PARP1: variants seen among roughly 807,000 people sequenced by gnomAD.
PARP1 encodes the protein poly [ADP-ribose] polymerase 1.
In PARP1, 44 loss-of-function variants were observed where a neutral mutation model predicts 118.7. The observed-to-expected ratio is 0.37, with a 90% CI of 0.29 to 0.48. PARP1 has a LOEUF of 0.48. PARP1 is among the 20% of genes least tolerant of loss of function. The probability of loss-of-function intolerance (pLI) is 0.99; values close to 1 mark genes in which losing one functional copy is unlikely to be tolerated. For missense variants in PARP1, 1,100 were observed against 1,272.4 expected (o/e 0.86, Z 2.06); for synonymous variants, 492 against 483.2 (o/e 1.02, Z -0.24).
At chr1:226,389,428 C>G (rs896350182) in intron 4 of PARP1, among the ~76,000 whole-genome samples, 40 of 152,212 alleles carry the variant, frequency 2.6e-4, no homozygotes, top group African/African-American at 9.4e-4. Context: ...GAGCACAAAC[C>G]CTTGCACTTT....
chr1:226,370,556 T>C (rs1434948712), intron 14 of PARP1, 39 bp from the exon 15 acceptor site: 1 of 1,520,892 alleles, frequency 6.6e-7, no homozygotes, highest in Non-Finnish European at 9.1e-7. Context: ...AGCTGGGCAC[T>C]GTGCAGTGTG....
chr1:226,398,317 A>G (rs1664964502), intron 2 of PARP1, among the ~76,000 whole-genome samples: 1 of 152,186 alleles, frequency 6.6e-6, no homozygotes, highest in Non-Finnish European at 1.5e-5. Context: ...TGTGATTTTA[A>G]AAAGAGCAAA....
chr1:226,365,899 G>T, intron 18 of PARP1, 55 bp downstream of exon 18: 1 of 1,164,250 alleles, frequency 8.6e-7, no homozygotes, highest in Non-Finnish European at 1.3e-6. Flanking sequence ...TGGAGGAGTG[G>T]GCAGGGAAGA....
chr1:226,386,325 C>A lies in PARP1; in HGVS notation c.834+1G>T. 1.3e-6 allele frequency: 2 copies of A among 1,590,056 alleles called. No homozygotes were observed. Among genetic ancestry groups the A allele is most frequent in the Non-Finnish European group, 1.7e-6 (2 of 1,158,146 alleles). On this transcript the variant is annotated splice_donor_variant, in intron 6 of 22. Coordinates refer to ENST00000366794, the MANE Select transcript of PARP1 (RefSeq NM_001618.4). LOFTEE classifies it high-confidence loss of function. ...TCCCACTTAACACAAAGGCAGCTCACCGCCGACTCCCCAGAAGGCACTTGC... is the reference window on the plus strand; with the variant it reads ...TCCCACTTAACACAAAGGCAGCTCAACGCCGACTCCCCAGAAGGCACTTGC...
At chr1:226,397,994 A>G (rs559148572) in intron 2 of PARP1, among the ~76,000 whole-genome samples, 8 of 152,258 alleles carry the variant, frequency 5.3e-5, no homozygotes, top group African/African-American at 1.9e-4. Flanking sequence ...AAAGGAATCT[A>G]GACACAGACC....
At position 226,380,076 on chromosome 1, in the gene PARP1, G is replaced by A. The variant is rs564778763; in HGVS notation, c.1389C>T (p.Ser463=). The stretch of plus-strand genomic sequence containing the variant: ...ACTCCTGAAGGCTCTTGGTGGAGGC[G>A]GAGACGTCCTGGAGGAAGTCCTCAG... The part of the protein sequence containing the change: ...VVSEDFLQDV[S]ASTKSLQELF... Residue 463 remains serine, a synonymous_variant, in exon 10 of 23, where the codon TCC becomes TCT. Coordinates refer to ENST00000366794, the MANE Select transcript of PARP1 (RefSeq NM_001618.4). The A allele has an allele frequency of 2.1e-5, 34 of 1,614,074 alleles. No homozygotes were observed. The highest frequency in any genetic ancestry group is 1.6e-4 in the Middle Eastern group (1 of 6,084).
At chr1:226,388,364 T>A (rs1664753556) in intron 5 of PARP1, among the ~76,000 whole-genome samples, 1 of 152,228 alleles carries the variant, frequency 6.6e-6, no homozygotes, top group Non-Finnish European at 1.5e-5. Flanking sequence ...AAAGCATGAA[T>A]CTCTGTCATC....
At chr1:226,370,292 AAAAT>A (rs1664353916) in intron 15 of PARP1, 138 bp downstream of exon 15, 3 of 733,326 alleles carry the variant, frequency 4.1e-6, no homozygotes, top group Non-Finnish European at 7.5e-6. Flanking sequence ...TGAACTGAAA[AAAAT>A]CGAAACCCTC....
chr1:226,397,405 A>G (rs577573352), intron 2 of PARP1, among the ~76,000 whole-genome samples: 2 of 152,218 alleles, frequency 1.3e-5, no homozygotes, highest in South Asian at 4.2e-4. Context: ...AGCCGTTACT[A>G]ACCTGTTTGC....
intron 12 of PARP1, among the ~76,000 whole-genome samples, chr1:226,378,775 C>T (rs1664542277): frequency 6.6e-6 from 1 of 152,116 alleles, no homozygotes; most frequent in African/African-American, 2.4e-5. Flanking sequence ...GTCAAGGCTC[C>T]GCTGAGCTGT....
intron 2 of PARP1, among the ~76,000 whole-genome samples, chr1:226,401,195 T>A (rs564680537): frequency 2.0e-5 from 3 of 152,342 alleles, no homozygotes; most frequent in Admixed American, 1.3e-4. Flanking sequence ...GTGAAACTGA[T>A]GCAGGGCAGG....
At chr1:226,366,891 T>C (rs1401859228) in intron 17 of PARP1, 1 of 174,038 alleles carries the variant, frequency 5.7e-6, no homozygotes, top group South Asian at 1.3e-4. Flanking sequence ...CTGAGGACAA[T>C]GGGGCACATG....
rs757945948 is a variant in PARP1 at position 226,379,281 on chromosome 1, C to T, written c.1613-7G>A. On this transcript the variant is annotated splice_polypyrimidine_tract_variant and splice_region_variant and intron_variant, in intron 11 of 22. Transcript: ENST00000366794. ...TGCGCAGAGTGTTCCAGTCCTGTCC[C>T]AGAGGAAAAGCACCTACAGTTTTCT... The T allele has an allele frequency of 1.2e-6, 2 of 1,614,224 alleles. No individual in the cohort carries two copies. The highest frequency in any genetic ancestry group is 1.7e-6 in the Non-Finnish European group (2 of 1,180,028).
At chr1:226,370,703 T>A (rs1664363850) in intron 14 of PARP1, 186 bp from the exon 15 acceptor site, 2 of 653,596 alleles carry the variant, frequency 3.1e-6, no homozygotes, top group African/African-American at 3.6e-5. Context: ...GGGATGGCAG[T>A]GTGTCTGAAG....
intron 18 of PARP1, 60 bp downstream of exon 18, chr1:226,365,894 G>A (rs1371498789): frequency 1.9e-6 from 2 of 1,073,982 alleles, no homozygotes; most frequent in Admixed American, 1.7e-5. Context: ...CAGGTTGGAG[G>A]AGTGGGCAGG....
In PARP1 at chr1:226,391,051, GAGTGC is replaced by G. The variant is rs1261125837; in HGVS notation, c.403-432_403-428del. The stretch of plus-strand genomic sequence containing the variant: ...GGGTCTTGCTTTGTTGCCTAGGCTG[GAGTGC>G]AGTGACTTGATCTGAGCTCACTGCA... On this transcript the variant is annotated intron_variant, in intron 3 of 22. Transcript: ENST00000366794. Among the ~76,000 whole-genome samples, 3 of 149,384 alleles carry G rather than the reference GAGTGC, an allele frequency of 2.0e-5. No homozygotes were observed. The Admixed American group carries it at 2.0e-4, about 10-fold the overall frequency.
chr1:226,394,831 C>G (rs1262406626), intron 2 of PARP1, among the ~76,000 whole-genome samples: 6 of 152,068 alleles, frequency 3.9e-5, no homozygotes, highest in Admixed American at 3.9e-4. Context: ...AATTTACTAC[C>G]AGTATAACCT....
chr1:226,374,143 G>C lies in PARP1; in HGVS notation c.2070+83C>G. 6 of 1,499,446 alleles carry C rather than the reference G, an allele frequency of 4.0e-6. No individual in the cohort carries two copies. In the South Asian group the frequency reaches 4.5e-5, roughly 11 times the overall value. 92.9% of individuals were successfully genotyped at this position (1,499,446 alleles called of 1,614,324 possible). A position where few individuals can be genotyped will look rare whatever the true frequency, so the allele number is the denominator to read the frequency against. ...TGTATTGTTTTTGAAACAGAAACAA[G>C]AACAGGCAGACAGCTCTTCACTAGC... On this transcript the variant is annotated intron_variant, in intron 14 of 22. Coordinates refer to ENST00000366794, the MANE Select transcript of PARP1 (RefSeq NM_001618.4).
chr1:226,386,746 C>T (rs908693022), intron 5 of PARP1, among the ~76,000 whole-genome samples: 1 of 152,172 alleles, frequency 6.6e-6, no homozygotes, highest in Non-Finnish European at 1.5e-5. Flanking sequence ...CCAGAAACAC[C>T]AGGTAAGAGC....
Sources: gnomAD v4.1 joint callset for allele counts (sites outside exome capture counted in the v4.1 genomes callset) on GRCh38, gnomAD v4.1.1 for gene constraint, MANE v1.5 for transcripts, NCBI Gene and HGNC (gene_info 2026-07-23, HGNC 2026-07-21) for gene names.